GNB1L: variants seen among roughly 807,000 people sequenced by gnomAD.
GNB1L encodes guanine nucleotide-binding protein subunit beta-like protein 1.
Under a neutral mutation model 29.1 loss-of-function variants are expected in GNB1L, and 20 were observed. That is an observed-to-expected ratio of 0.69 (90% CI 0.48 to 1.00). GNB1L has a LOEUF of 1.00. Ranked by LOEUF, GNB1L falls within the 50% of genes least tolerant of loss-of-function variation. The pLI is 0.00. For synonymous variants in GNB1L, 193 were observed against 206.5 expected, an observed-to-expected ratio of 0.93 and a Z score of 0.56; for missense variants, 421 against 464.9, an observed-to-expected ratio of 0.91 and a Z score of 0.87.
intron 2 of GNB1L, among the ~76,000 whole-genome samples, chr22:19,842,974 T>C (rs1937887443): frequency 6.6e-6 from 1 of 152,218 alleles, no homozygotes; most frequent in Non-Finnish European, 1.5e-5. Flanking sequence ...AAACCATTTC[T>C]GGAATGGGGC....
intron 2 of GNB1L, chr22:19,848,196 C>T (rs1438374261): frequency 4.1e-6 from 4 of 985,270 alleles, no homozygotes; most frequent in Non-Finnish European, 4.8e-6. Flanking sequence ...CCCATCATGT[C>T]CTATCTTCAG....
intron 2 of GNB1L, chr22:19,848,893 G>T: frequency 3.0e-6 from 3 of 985,368 alleles, no homozygotes; most frequent in Non-Finnish European, 3.6e-6. Flanking sequence ...GTGGGACAGG[G>T]TAAAGGTCAG....
At chr22:19,814,727 G>A (rs944340445) in intron 4 of GNB1L, among the ~76,000 whole-genome samples, 5 of 152,212 alleles carry the variant, frequency 3.3e-5, no homozygotes, top group South Asian at 2.1e-4. Context: ...CCTGAGGGGC[G>A]TTCTACAAAA....
intron 2 of GNB1L, chr22:19,849,778 GTT>G (rs1938052165): frequency 1.0e-6 from 1 of 985,286 alleles, no homozygotes; most frequent in East Asian, 1.1e-4. Flanking sequence ...GGAAGGTGTT[GTT>G]TTGTTGTTTT....
At position 19,844,629 on chromosome 22, in the gene GNB1L, C is replaced by T. The variant is rs564811776; in HGVS notation, c.-21+9814G>A. Among the ~76,000 whole-genome samples the T allele has an allele frequency of 9.9e-5, 15 of 152,240 alleles. No homozygotes were observed. In the South Asian group the frequency reaches 2.3e-3, roughly 23 times the overall value. ...TGCAGAGGCAGGCAGGATGGGCAGG[C>T]GGGGTCTCTCTGTGAGCAGGCATCT... is the stretch of plus-strand genomic sequence containing the variant. On this transcript the variant is annotated intron_variant, in intron 2 of 7. Transcript: ENST00000329517.
At chr22:19,831,254 A>G (rs1395589450) in intron 2 of GNB1L, among the ~76,000 whole-genome samples, 1 of 151,522 alleles carries the variant, frequency 6.6e-6, no homozygotes, top group Non-Finnish European at 1.5e-5. Context: ...TTGTACAGCT[A>G]CTCGGGAGGC....
chr22:19,802,105 G>T lies in GNB1L; in HGVS notation c.628C>A (p.Pro210Thr). The change falls in exon 7 of 8, where the codon CCC becomes ACC. Residue 210 changes from proline to threonine, a missense_variant. Coordinates refer to ENST00000329517, the MANE Select transcript of GNB1L (RefSeq NM_053004.3). ...GAGTCAAAGTCAAGGTCCATGACGG[G>T]CTCCTCATGGCAGGCGATGCGGCTG... The part of the protein sequence containing the change: ...VCSRIACHEE[P>T]VMDLDFDSQK... 2 of 1,613,566 alleles carry T rather than the reference G, an allele frequency of 1.2e-6. No individual in the cohort carries two copies. The highest frequency in any genetic ancestry group is 1.7e-6 in the Non-Finnish European group (2 of 1,179,990).
At chr22:19,847,639 G>A in intron 2 of GNB1L, 1 of 919,818 alleles carries the variant, frequency 1.1e-6, no homozygotes, top group South Asian at 4.9e-5. Flanking sequence ...CCCCTGGCAA[G>A]AGCCTTCATG....
intron 2 of GNB1L, among the ~76,000 whole-genome samples, chr22:19,836,117 C>T (rs1230920400): frequency 2.0e-5 from 3 of 151,978 alleles, no homozygotes; most frequent in Non-Finnish European, 4.4e-5. Flanking sequence ...AGCAAGAGGT[C>T]GGTTCTTTAA....
At chr22:19,850,771 G>T in intron 2 of GNB1L, 1 of 1,251,844 alleles carries the variant, frequency 8.0e-7, no homozygotes, top group Non-Finnish European at 1.0e-6. Flanking sequence ...AGACGTGGCA[G>T]ACCCAGTTCA....
Position 19,812,322 on chromosome 22 carries a change from C to A in GNB1L, c.380G>T (p.Arg127Leu), listed in dbSNP as rs757925867. 6.2e-7 allele frequency: 1 copy of A among 1,613,040 alleles called. No individual in the cohort carries two copies. The highest frequency in any genetic ancestry group is 1.1e-5 in the South Asian group (1 of 91,058). The change falls in exon 5 of 8, where the codon CGC becomes CTC. Residue 127 changes from arginine to leucine, a missense_variant. Physicochemically the swap from Arg to Leu is moderately radical, Grantham distance 102. Transcript: ENST00000329517. Reference protein sequence around the residue: ...RSSILAGGQPRWTLAVPGRGS... With the variant: ...RSSILAGGQPLWTLAVPGRGS... ...CCTCCCTGGCACGGCAAGCGTCCAG[C>A]GTGGCTGGCCCCCGGCCAGGATGCT... is the stretch of plus-strand genomic sequence containing the variant.
chr22:19,800,471 G>A (rs1271645724), intron 7 of GNB1L, among the ~76,000 whole-genome samples: 1 of 152,168 alleles, frequency 6.6e-6, no homozygotes, highest in Non-Finnish European at 1.5e-5. Context: ...GAGGAGGAGG[G>A]AGGGAGTGCA....
chr22:19,849,310 T>G, intron 2 of GNB1L: 1 of 978,910 alleles, frequency 1.0e-6, no homozygotes, highest in Non-Finnish European at 1.2e-6. Context: ...TTTCTAGTGA[T>G]AGTTACCATA....
intron 7 of GNB1L, among the ~76,000 whole-genome samples, chr22:19,790,298 G>A (rs1282908918): frequency 6.6e-6 from 1 of 152,130 alleles, no homozygotes; most frequent in Non-Finnish European, 1.5e-5. Flanking sequence ...AATATGGGAG[G>A]CACTGAGAGA....
At chr22:19,819,097 C>A (rs560957622) in intron 4 of GNB1L, among the ~76,000 whole-genome samples, 18 of 152,342 alleles carry the variant, frequency 1.2e-4, no homozygotes, top group Admixed American at 1.2e-3. Flanking sequence ...TCGGGGGCTG[C>A]CCCTCCCTGC....
chr22:19,804,777 C>T (rs1409077369), intron 6 of GNB1L, among the ~76,000 whole-genome samples: 4 of 152,218 alleles, frequency 2.6e-5, no homozygotes, highest in Admixed American at 2.0e-4. Context: ...AACAGAAACA[C>T]GATTTGTCCT....
At position 19,852,002 on chromosome 22, in the gene GNB1L, GGCATGTGCCCAGCTAGGGGACCCCTTTCT is replaced by G. The variant is rs749210247; in HGVS notation, c.-21+2412_-21+2440del. On this transcript the variant is annotated intron_variant, in intron 2 of 7. Coordinates refer to ENST00000329517, the MANE Select transcript of GNB1L (RefSeq NM_053004.3). Reference sequence around the variant, plus strand: ...GTCCACCCTGTGGGGTCGGGAGCTGGGCATGTGCCCAGCTAGGGGACCCCTTTCTGCAGGTTTACCGCCACAAGTGCCAC... The same window carrying G: ...GTCCACCCTGTGGGGTCGGGAGCTGGGCAGGTTTACCGCCACAAGTGCCAC... 6 of 1,614,078 alleles carry G rather than the reference GGCATGTGCCCAGCTAGGGGACCCCTTTCT, an allele frequency of 3.7e-6. No individual in the cohort carries two copies. The Admixed American group carries it at 6.7e-5, about 18-fold the overall frequency.
At chr22:19,835,439 G>A (rs112869887) in intron 2 of GNB1L, among the ~76,000 whole-genome samples, 3,645 of 151,786 alleles carry the variant, frequency 0.024, 147 homozygotes, top group African/African-American at 0.084. Flanking sequence ...CAGCACTTTG[G>A]GAGGTCGAGG....
At chr22:19,800,541 G>A (rs114977666) in intron 7 of GNB1L, among the ~76,000 whole-genome samples, 3,147 of 152,262 alleles carry the variant, frequency 0.021, 93 homozygotes, top group African/African-American at 0.065. Context: ...GCCTCCCAGC[G>A]CCCAGAGCAG....
Sources: gnomAD v4.1 joint callset for allele counts (sites outside exome capture counted in the v4.1 genomes callset) on GRCh38, gnomAD v4.1.1 for gene constraint, MANE v1.5 for transcripts, NCBI Gene and HGNC (gene_info 2026-07-23, HGNC 2026-07-21) for gene names.